RP1: variants seen among roughly 807,000 people sequenced by gnomAD.
RP1 encodes the protein RP1 axonemal microtubule associated.
Under a neutral mutation model 14.8 loss-of-function variants are expected in RP1, and 16 were observed. That is an observed-to-expected ratio of 1.08 (90% CI 0.73 to 1.65). The LOEUF is 1.65. Among genes scored for constraint, RP1 ranks in the 40% most tolerant of loss-of-function variants. The pLI is 0.00. For missense variants in RP1, 2,631 were observed against 2,535.0 expected (o/e 1.04, Z -0.81); for synonymous variants, 876 against 883.6 (o/e 0.99, Z 0.15).
At chr8:54,656,000 A>C (rs1468101251) in intron 5 of RP1, 2 of 892,280 alleles carry the variant, frequency 2.2e-6, no homozygotes, top group East Asian at 5.9e-5. Flanking sequence ...CTCTGAGCTA[A>C]GTGGCAGTCT....
At chr8:54,808,612 C>T (rs997858894) in intron 24 of RP1, among the ~76,000 whole-genome samples, 4 of 152,222 alleles carry the variant, frequency 2.6e-5, no homozygotes, top group African/African-American at 7.2e-5. Context: ...GAGCAAAGCT[C>T]CCCTTCCTTT....
At chr8:54,561,335 C>G (rs1804281966) in intron 1 of RP1, among the ~76,000 whole-genome samples, 1 of 152,184 alleles carries the variant, frequency 6.6e-6, no homozygotes, top group Non-Finnish European at 1.5e-5. Context: ...AAATTTTAAA[C>G]TCAGATTCCG....
intron 20 of RP1, among the ~76,000 whole-genome samples, chr8:54,755,136 T>C (rs949015660): frequency 1.3e-5 from 2 of 152,190 alleles, no homozygotes; most frequent in South Asian, 4.1e-4. Flanking sequence ...AAATTGTTCT[T>C]GTGGCCCAGC....
rs1174225362 is a variant in RP1 at position 54,844,302 on chromosome 8, T to C, written c.3835+6633T>C. ...TATTTATGTAGCTTCAATTTATTTATTCAGCTCCTCAATTTATTTACTTTT... is the reference window on the plus strand; with the variant it reads ...TATTTATGTAGCTTCAATTTATTTACTCAGCTCCTCAATTTATTTACTTTT... On this transcript the variant is annotated intron_variant, in intron 25 of 28. Coordinates refer to the RP1 transcript ENST00000637698. Among the ~76,000 whole-genome samples, 3 of 152,238 alleles carry C rather than the reference T, an allele frequency of 2.0e-5. No homozygotes were observed. The East Asian group carries it at 5.8e-4, about 29-fold the overall frequency.
At chr8:54,622,758 T>C (rs1805916898) in intron 3 of RP1, among the ~76,000 whole-genome samples, 1 of 152,232 alleles carries the variant, frequency 6.6e-6, no homozygotes, top group African/African-American at 2.4e-5. Flanking sequence ...GGTTCTTAGA[T>C]CCACATTTTA....
chr8:54,670,869 A>C (rs1807165186), intron 7 of RP1, among the ~76,000 whole-genome samples: 1 of 150,824 alleles, frequency 6.6e-6, no homozygotes, highest in Admixed American at 6.6e-5. Context: ...TTTCACTTTC[A>C]ACCTATGTAT....
rs1311332672 is a variant in RP1, at chr8:54,620,915, T to C, written c.-12-40T>C. Reference sequence around the variant, plus strand: ...CATTAGTATTACCATGTATTCGCTATGGTGCTGTGATTCTGGAGATAATTT... The same window carrying C: ...CATTAGTATTACCATGTATTCGCTACGGTGCTGTGATTCTGGAGATAATTT... On this transcript the variant is annotated intron_variant, in intron 1 of 3. Transcript: ENST00000220676. 8.2e-6 allele frequency: 13 copies of C among 1,586,874 alleles called. No individual in the cohort carries two copies. The African/African-American group carries it at 1.1e-4, about 13-fold the overall frequency.
intron 24 of RP1, among the ~76,000 whole-genome samples, chr8:54,834,196 A>T (rs1464890627): frequency 2.0e-5 from 3 of 152,062 alleles, no homozygotes; most frequent in African/African-American, 7.2e-5. Flanking sequence ...AGGTACCCAG[A>T]ATTATTTAGA....
intron 1 of RP1, among the ~76,000 whole-genome samples, chr8:54,598,966 T>C (rs528714326): frequency 6.6e-6 from 1 of 152,182 alleles, no homozygotes; most frequent in Non-Finnish European, 1.5e-5. Context: ...TTTGGGTTTT[T>C]TGTCCTTGGG....
At chr8:54,748,657 T>G (rs1809285108) in intron 19 of RP1, among the ~76,000 whole-genome samples, 1 of 152,218 alleles carries the variant, frequency 6.6e-6, no homozygotes, top group South Asian at 2.1e-4. Flanking sequence ...TTATTATATT[T>G]TCATATTTCT....
At chr8:54,859,324 G>C (rs1395292658) in intron 27 of RP1, among the ~76,000 whole-genome samples, 1 of 137,910 alleles carries the variant, frequency 7.3e-6, no homozygotes, top group East Asian at 2.2e-4. Flanking sequence ...TGTCACTATA[G>C]GTGGTGTCAC....
At chr8:54,697,222 T>C (rs1336680437) in intron 12 of RP1, 1 of 652,282 alleles carries the variant, frequency 1.5e-6, no homozygotes, top group Admixed American at 2.3e-5. Context: ...GATTATTTCC[T>C]GCGTTATCTT....
intron 12 of RP1, chr8:54,696,893 C>A: frequency 1.3e-6 from 1 of 787,954 alleles, no homozygotes; most frequent in South Asian, 1.3e-5. Flanking sequence ...TAAGATCGTT[C>A]TTCTGACAGA....
At chr8:54,794,364 G>A (rs1032895673) in intron 24 of RP1, among the ~76,000 whole-genome samples, 1 of 150,986 alleles carries the variant, frequency 6.6e-6, no homozygotes, top group African/African-American at 2.4e-5. Flanking sequence ...TGGCATAAAA[G>A]TAGACACAAA....
At chr8:54,846,252 G>A (rs906515380) in intron 25 of RP1, among the ~76,000 whole-genome samples, 3 of 152,178 alleles carry the variant, frequency 2.0e-5, no homozygotes, top group African/African-American at 7.2e-5. Context: ...AAACAGACAC[G>A]TGTCGTGTAT....
chr8:54,848,430 C>G (rs1342488398), intron 25 of RP1, among the ~76,000 whole-genome samples: 2 of 152,190 alleles, frequency 1.3e-5, no homozygotes, highest in African/African-American at 4.8e-5. Flanking sequence ...CCTGATCATC[C>G]TCTGTCCCTG....
rs552883026 is a variant in RP1, at chr8:54,785,295, G to A, written c.3615+1585G>A. Reference sequence around the variant, plus strand: ...AGTATTTTTGTCTGACTTGTTTTACGTAGCATAAAGAATGCTTTAAAACTT... The same window carrying A: ...AGTATTTTTGTCTGACTTGTTTTACATAGCATAAAGAATGCTTTAAAACTT... On this transcript the variant is annotated intron_variant, in intron 24 of 28. Coordinates refer to the RP1 transcript ENST00000637698. 1.8e-4 allele frequency among the ~76,000 whole-genome samples: 28 copies of A among 152,138 alleles called. No individual in the cohort carries two copies. In the South Asian group the frequency reaches 4.3e-3, roughly 24 times the overall value.
chr8:54,773,264 A>G (rs1179083763), downstream of RP1, among the ~76,000 whole-genome samples: 2 of 152,226 alleles, frequency 1.3e-5, no homozygotes, highest in East Asian at 3.9e-4. Context: ...CTTCCTTGAG[A>G]TTAGAATAAT....
intron 18 of RP1, among the ~76,000 whole-genome samples, chr8:54,735,321 A>T (rs761349334): frequency 6.6e-6 from 1 of 152,164 alleles, no homozygotes; most frequent in Non-Finnish European, 1.5e-5. Flanking sequence ...GTTTGCATGT[A>T]GCTGGTTGCC....
Sources: allele counts gnomAD v4.1 joint callset (sites outside exome capture counted in the v4.1 genomes callset), GRCh38; gene constraint gnomAD v4.1.1; transcripts MANE v1.5; gene names NCBI Gene and HGNC (gene_info 2026-07-23, HGNC 2026-07-21).